Variants in ASTN2 observed in about 807,000 individuals in gnomAD.
ASTN2 encodes the protein astrotactin 2.
A neutral mutation model predicts 139.8 loss-of-function variants in ASTN2; 54 were observed. The observed-to-expected ratio is 0.39, with a 90% CI of 0.31 to 0.48. The LOEUF is 0.48. ASTN2 is among the 20% of genes least tolerant of loss of function. The pLI is 0.95. For synonymous variants in ASTN2, 756 were observed against 719.5 expected (o/e 1.05, Z -0.81); for missense variants, 1,565 against 1,725.1 (o/e 0.91, Z 1.64).
intron 7 of ASTN2, among the ~76,000 whole-genome samples, chr9:117,001,083 C>A (rs949752527): frequency 1.3e-5 from 2 of 152,144 alleles, no homozygotes; most frequent in Non-Finnish European, 2.9e-5. Context: ...CATCTGTGCA[C>A]CAAGACAATT....
At position 117,218,807 on chromosome 9, in the gene ASTN2, A is replaced by C. The variant is rs183308923; in HGVS notation, c.631-4065T>G. Among the ~76,000 whole-genome samples the C allele has an allele frequency of 2.3e-3, 348 of 152,308 alleles. 1 individual carries two copies. Among genetic ancestry groups the C allele is most frequent in the Admixed American group, 4.8e-3 (73 of 15,310 alleles). On this transcript the variant is annotated intron_variant, in intron 2 of 22. Coordinates refer to ENST00000313400, the MANE Select transcript of ASTN2 (RefSeq NM_001365068.1). ...AGTCAGAAACACAAGGTTGAAATCTAATGCTGCACATATAAGCTGGGCTAT... is the reference window on the plus strand; with the variant it reads ...AGTCAGAAACACAAGGTTGAAATCTCATGCTGCACATATAAGCTGGGCTAT...
chr9:116,793,752 A>G (rs1304949249), intron 13 of ASTN2, among the ~76,000 whole-genome samples: 1 of 152,196 alleles, frequency 6.6e-6, no homozygotes, highest in African/African-American at 2.4e-5. Flanking sequence ...AGAATTTATT[A>G]CCTGTGGCCT....
intron 13 of ASTN2, among the ~76,000 whole-genome samples, chr9:116,801,585 C>CAAAAAA (rs397893932): frequency 1.8e-3 from 109 of 60,370 alleles, no homozygotes; most frequent in East Asian, 2.5e-3. Flanking sequence ...GGCTCTGTCT[C>CAAAAAA]AAAAAAAAAA....
chr9:117,145,790 G>A (rs1830180798), intron 3 of ASTN2, among the ~76,000 whole-genome samples: 1 of 152,022 alleles, frequency 6.6e-6, no homozygotes, highest in South Asian at 2.1e-4. Flanking sequence ...GTCTAGCTGG[G>A]ACCTTGACTG....
chr9:117,209,339 T>C (rs748532904), intron 3 of ASTN2, among the ~76,000 whole-genome samples: 51 of 151,904 alleles, frequency 3.4e-4, no homozygotes, highest in Non-Finnish European at 6.0e-4. Flanking sequence ...AAACATAGAA[T>C]GAAAGTGAAG....
rs1424902635 is a variant in ASTN2, at chr9:117,060,204, G to A, written c.1277-20239C>T. ...TGTGCACTTGCAGTTCCAGCTACCT[G>A]GGAGGCTGAGGCACAAGAATTGCTT... On this transcript the variant is annotated intron_variant, in intron 5 of 22. Transcript: ENST00000313400. 2.6e-5 allele frequency among the ~76,000 whole-genome samples: 4 copies of A among 151,114 alleles called. No homozygotes were observed. In the East Asian group the frequency reaches 7.8e-4, roughly 29 times the overall value.
chr9:116,897,411 G>A (rs984280834), intron 10 of ASTN2, among the ~76,000 whole-genome samples: 3 of 152,134 alleles, frequency 2.0e-5, no homozygotes, highest in African/African-American at 4.8e-5. Context: ...AGGATTACAG[G>A]CCATTTAGGA....
intron 10 of ASTN2, among the ~76,000 whole-genome samples, chr9:116,890,333 C>T (rs545107097): frequency 3.3e-5 from 5 of 152,288 alleles, no homozygotes; most frequent in South Asian, 2.1e-4. Flanking sequence ...GCACCTGCCA[C>T]GCAGATGATC....
At chr9:117,152,950 T>C (rs1436359291) in intron 3 of ASTN2, among the ~76,000 whole-genome samples, 1 of 152,154 alleles carries the variant, frequency 6.6e-6, no homozygotes, top group Non-Finnish European at 1.5e-5. Flanking sequence ...ACAGCCATCA[T>C]TTTATGTAAT....
chr9:117,140,275 T>A lies in ASTN2; in HGVS notation c.1168+1051A>T, dbSNP rs182020785. On this transcript the variant is annotated intron_variant, in intron 4 of 22. Coordinates refer to ENST00000313400, the MANE Select transcript of ASTN2 (RefSeq NM_001365068.1). ...AGACAGTGGAGAATAGAGCTCTGTGTGGCTTTGAGTGTCATGTTCATAGCC... is the reference window on the plus strand; with the variant it reads ...AGACAGTGGAGAATAGAGCTCTGTGAGGCTTTGAGTGTCATGTTCATAGCC... 5.5e-3 allele frequency among the ~76,000 whole-genome samples: 844 copies of A among 152,204 alleles called. 2 individuals carry two copies. Among genetic ancestry groups the A allele is most frequent in the Non-Finnish European group, 9.7e-3 (662 of 67,996 alleles).
At chr9:116,581,163 C>A (rs1163366862) in intron 19 of ASTN2, among the ~76,000 whole-genome samples, 1 of 152,054 alleles carries the variant, frequency 6.6e-6, no homozygotes, top group Non-Finnish European at 1.5e-5. Context: ...GTCTAGGAAG[C>A]CAGAGAGTCA....
At chr9:117,210,742 G>T (rs1388548794) in intron 3 of ASTN2, among the ~76,000 whole-genome samples, 1 of 151,654 alleles carries the variant, frequency 6.6e-6, no homozygotes, top group African/African-American at 2.4e-5. Context: ...AACCAAACAA[G>T]GACACACACA....
chr9:116,666,803 A>G (rs1036691188), intron 16 of ASTN2, among the ~76,000 whole-genome samples: 6 of 152,218 alleles, frequency 3.9e-5, no homozygotes, highest in African/African-American at 1.4e-4. Flanking sequence ...TAAATCTGTA[A>G]TTTGAACAGT....
At chr9:116,549,602 C>T (rs910674730) in intron 19 of ASTN2, among the ~76,000 whole-genome samples, 5 of 152,180 alleles carry the variant, frequency 3.3e-5, no homozygotes, top group African/African-American at 9.7e-5. Flanking sequence ...CAAGGTGATC[C>T]CAGCCCAGAG....
intron 19 of ASTN2, among the ~76,000 whole-genome samples, chr9:116,524,031 A>AGCTTAGAT (rs1850989570): frequency 6.6e-6 from 1 of 152,212 alleles, no homozygotes; most frequent in Admixed American, 6.5e-5. Context: ...ACAGTGGCAT[A>AGCTTAGAT]GCTTAGATGC....
chr9:116,812,457 C>T (rs1831191505), intron 12 of ASTN2, among the ~76,000 whole-genome samples: 1 of 152,176 alleles, frequency 6.6e-6, no homozygotes, highest in Non-Finnish European at 1.5e-5. Context: ...TCAATGAATG[C>T]AGATGCTCCC....
chr9:117,098,774 C>T (rs1828898463), intron 4 of ASTN2, among the ~76,000 whole-genome samples: 1 of 121,650 alleles, frequency 8.2e-6, no homozygotes, highest in South Asian at 2.6e-4. Context: ...AAATATTTTA[C>T]TGTTAAAAAA....
intron 4 of ASTN2, among the ~76,000 whole-genome samples, chr9:117,099,732 T>C (rs184960563): frequency 1.3e-5 from 2 of 152,306 alleles, no homozygotes; most frequent in Admixed American, 6.5e-5. Flanking sequence ...AGAACCACGA[T>C]TCAAATTCAG....
chr9:116,699,263 C>T lies in ASTN2; in HGVS notation c.2806+26508G>A. On this transcript the variant is annotated intron_variant, in intron 16 of 22. Transcript: ENST00000313400. This position sits in a 1 kb window ranked among gnomAD's most constrained non-coding sequence, Gnocchi z 4.2. ...ATCGAGGATCAGGGGTGGTCAAATA[C>T]AGCTGCCTATGTAGTGCTGTGCGGC... 6.2e-7 allele frequency: 1 copy of T among 1,614,196 alleles called. No homozygotes were observed. Among genetic ancestry groups the T allele is most frequent in the Non-Finnish European group, 8.5e-7 (1 of 1,180,050 alleles).
Sources: gnomAD v4.1 joint callset for allele counts (sites outside exome capture counted in the v4.1 genomes callset) on GRCh38, gnomAD v4.1.1 for gene constraint, Gnocchi (gnomAD v3.1) non-coding constraint, MANE v1.5 for transcripts, NCBI Gene and HGNC (gene_info 2026-07-23, HGNC 2026-07-21) for gene names.